The following SPTLC1 variants were observed in gnomAD, a reference collection of about 807,000 sequenced individuals.
SPTLC1 encodes serine palmitoyltransferase long chain base subunit 1.
A neutral mutation model predicts 68.9 loss-of-function variants in SPTLC1; 55 were observed. The ratio of observed to expected loss-of-function variants is 0.80; its 90% confidence interval spans 0.64 to 1.00. The LOEUF (loss-of-function observed/expected upper bound fraction) is 1.00. Among genes scored for constraint, SPTLC1 ranks in the 50% least tolerant of loss-of-function variants. The probability of loss-of-function intolerance (pLI) is 0.00; values close to 1 mark genes in which losing one functional copy is unlikely to be tolerated. For synonymous variants in SPTLC1, 197 were observed against 201.6 expected (o/e 0.98, Z 0.19); for missense variants, 449 against 573.1 (o/e 0.78, Z 2.21).
At chr9:92,097,868 C>T (rs1835588015) in intron 3 of SPTLC1, among the ~76,000 whole-genome samples, 1 of 152,150 alleles carries the variant, frequency 6.6e-6, no homozygotes, top group Admixed American at 6.5e-5. Context: ...AAACCTTACA[C>T]TTCAAAATGG....
At position 92,063,901 on chromosome 9, in the gene SPTLC1, T is replaced by G. The variant is rs568710338; in HGVS notation, c.560+4065A>C. 1.4e-4 allele frequency among the ~76,000 whole-genome samples: 21 copies of G among 152,294 alleles called. No homozygotes were observed. The South Asian group carries it at 1.7e-3, about 12-fold the overall frequency. On this transcript the variant is annotated intron_variant, in intron 6 of 14. Transcript: ENST00000262554. ...TCTGTAAGAAATCTGCACGTAACAT[T>G]ATACTTATTGGTGAAAGAGTAAACG...
chr9:92,104,788 C>A lies in SPTLC1; in HGVS notation c.260+3952G>T, dbSNP rs1835896241. The A allele has an allele frequency of 4.6e-6, 7 of 1,533,604 alleles. No individual in the cohort carries two copies. The East Asian group carries it at 1.7e-4, about 37-fold the overall frequency. 95.0% of individuals were successfully genotyped at this position (1,533,604 alleles called of 1,614,324 possible). On this transcript the variant is annotated intron_variant, in intron 3 of 14. Coordinates refer to ENST00000262554, the MANE Select transcript of SPTLC1 (RefSeq NM_006415.4). ...CTAGGCCCCTGGAGACTCAGGGAAACCTCACTTCCTCCTGGTACAATCCCA... is the reference window on the plus strand; with the variant it reads ...CTAGGCCCCTGGAGACTCAGGGAAAACTCACTTCCTCCTGGTACAATCCCA...
At chr9:92,079,687 CG>C (rs1834809613) in intron 5 of SPTLC1, 2 of 891,640 alleles carry the variant, frequency 2.2e-6, no homozygotes. Flanking sequence ...GCAGGGGTTC[CG>C]CTCTCATCAG....
chr9:92,078,069 C>A (rs1834745525), intron 5 of SPTLC1, among the ~76,000 whole-genome samples: 1 of 152,082 alleles, frequency 6.6e-6, no homozygotes, highest in Non-Finnish European at 1.5e-5. Context: ...GACTCAGCAA[C>A]CTCCCCCATC....
At position 92,074,906 on chromosome 9, in the gene SPTLC1, C is replaced by T. The variant is rs139703077; in HGVS notation, c.427+5110G>A. ...CATCCCCTTACATCCCTCTTCCCAGCCCCTTTTTGCCTTTACTTGGACTGA... is the reference window on the plus strand; with the variant it reads ...CATCCCCTTACATCCCTCTTCCCAGTCCCTTTTTGCCTTTACTTGGACTGA... On this transcript the variant is annotated intron_variant, in intron 5 of 14. Transcript: ENST00000262554. 9.8e-3 allele frequency among the ~76,000 whole-genome samples: 1,490 copies of T among 152,180 alleles called. 24 individuals are homozygous for T. Among genetic ancestry groups the T allele is most frequent in the African/African-American group, 0.034 (1,392 of 41,498 alleles).
In SPTLC1 at chr9:92,062,037, G is replaced by A. The variant is rs142710437; in HGVS notation, c.561-2729C>T. Among the ~76,000 whole-genome samples, 567 of 152,190 alleles carry A rather than the reference G, an allele frequency of 3.7e-3. 4 individuals carry two copies. The highest frequency in any genetic ancestry group is 6.0e-3 in the Non-Finnish European group (407 of 67,992). ...TAAATGTACAAATACATGATTTAAA[G>A]ACAGGCAGGTAGAATAAATTAAATA... On this transcript the variant is annotated intron_variant, in intron 6 of 14. Transcript: ENST00000262554.
chr9:92,076,512 T>C (rs1834687166), intron 5 of SPTLC1, among the ~76,000 whole-genome samples: 1 of 152,204 alleles, frequency 6.6e-6, no homozygotes, highest in South Asian at 2.1e-4. Context: ...GGAAAGCTCC[T>C]TCTCCCTGCC....
At chr9:92,055,353 C>T (rs759099293) in intron 8 of SPTLC1, 52 bp downstream of exon 8, 4 of 1,610,422 alleles carry the variant, frequency 2.5e-6, no homozygotes, top group Non-Finnish European at 3.4e-6. Flanking sequence ...ACAAAAGGCA[C>T]ATCTGTCAAA....
chr9:92,042,227 T>C (rs190475610), intron 12 of SPTLC1, among the ~76,000 whole-genome samples: 3 of 152,338 alleles, frequency 2.0e-5, no homozygotes, highest in African/African-American at 7.2e-5. Context: ...GAAGGAATGT[T>C]TGCTATTATT....
chr9:92,097,628 C>T (rs1835578464), intron 3 of SPTLC1, among the ~76,000 whole-genome samples: 1 of 152,060 alleles, frequency 6.6e-6, no homozygotes, highest in Non-Finnish European at 1.5e-5. Flanking sequence ...ATAGGCAAGT[C>T]CATAAAGTAG....
chr9:92,099,964 A>T (rs1205364869), intron 3 of SPTLC1, among the ~76,000 whole-genome samples: 1 of 152,204 alleles, frequency 6.6e-6, no homozygotes, highest in Non-Finnish European at 1.5e-5. Flanking sequence ...GGTCTGTGTA[A>T]GTCCACTCTA....
intron 5 of SPTLC1, among the ~76,000 whole-genome samples, chr9:92,074,969 G>A (rs1459651923): frequency 4.6e-5 from 7 of 152,134 alleles, no homozygotes; most frequent in South Asian, 4.2e-4. Flanking sequence ...CACCTGGACC[G>A]TCCTGCCCTA....
In SPTLC1 at chr9:92,043,350, ATAT is replaced by A. The variant is rs554503069; in HGVS notation, c.1136+2646_1136+2648del. On this transcript the variant is annotated intron_variant, in intron 12 of 14. Coordinates refer to ENST00000262554, the MANE Select transcript of SPTLC1 (RefSeq NM_006415.4). ...TGACCTCTTCACACTGAAATGCTTC[ATAT>A]AATATCCATACCCCAAGACTCAAAC... Among the ~76,000 whole-genome samples the A allele has an allele frequency of 4.0e-3, 612 of 152,258 alleles. 3 individuals are homozygous for A. The highest frequency in any genetic ancestry group is 0.01 in the Middle Eastern group (3 of 294).
At chr9:92,068,143 C>A (rs199811752) in intron 5 of SPTLC1, 45 bp from the exon 6 acceptor site, 2 of 1,576,388 alleles carry the variant, frequency 1.3e-6, no homozygotes, top group African/African-American at 1.4e-5. Flanking sequence ...CCTTATAATT[C>A]TTTTTCTCTA....
At chr9:92,054,530 G>A (rs1458084372) in intron 8 of SPTLC1, among the ~76,000 whole-genome samples, 1 of 152,130 alleles carries the variant, frequency 6.6e-6, no homozygotes, top group Non-Finnish European at 1.5e-5. Flanking sequence ...CAGTGATACA[G>A]ATGTATATAC....
At chr9:92,105,441 C>T in intron 3 of SPTLC1, 2 of 1,360,242 alleles carry the variant, frequency 1.5e-6, no homozygotes, top group Non-Finnish European at 2.0e-6. Context: ...CGTGGTGGCC[C>T]ACGCCTGTAA....
At chr9:92,040,972 CAG>C (rs1833331535) in intron 12 of SPTLC1, among the ~76,000 whole-genome samples, 1 of 152,140 alleles carries the variant, frequency 6.6e-6, no homozygotes, top group Non-Finnish European at 1.5e-5. Flanking sequence ...AGCCGTGTTT[CAG>C]AGTCTATTAT....
At chr9:92,088,952 AAG>A (rs1835258213) in intron 3 of SPTLC1, among the ~76,000 whole-genome samples, 1 of 152,262 alleles carries the variant, frequency 6.6e-6, no homozygotes, top group Non-Finnish European at 1.5e-5. Context: ...GAGGACTCAA[AAG>A]AGAGAAAACA....
At chr9:92,062,613 C>T (rs1381692169) in intron 6 of SPTLC1, among the ~76,000 whole-genome samples, 1 of 152,080 alleles carries the variant, frequency 6.6e-6, no homozygotes, top group East Asian at 1.9e-4. Flanking sequence ...CAAACTACAA[C>T]AAATTTAAAG....
Sources: gnomAD v4.1 joint callset for allele counts (sites outside exome capture counted in the v4.1 genomes callset) on GRCh38, gnomAD v4.1.1 for gene constraint, MANE v1.5 for transcripts, NCBI Gene and HGNC (gene_info 2026-07-23, HGNC 2026-07-21) for gene names.